Variants in OGA observed in about 807,000 individuals in gnomAD.
OGA encodes O-GlcNAcase.
Under a neutral mutation model 102.0 loss-of-function variants are expected in OGA, and 21 were observed. That is an observed-to-expected ratio of 0.21 (90% CI 0.15 to 0.30). The LOEUF is 0.30. OGA is among the 10% of genes least tolerant of loss of function. OGA has a pLI of 1.00. For missense variants in OGA, 765 were observed against 1,107.8 expected, an observed-to-expected ratio of 0.69 and a Z score of 4.39; for synonymous variants, 408 against 378.2, an observed-to-expected ratio of 1.08 and a Z score of -0.91.
rs980911798 is a variant in OGA, at chr10:101,813,321, T to C, written c.252-194A>G. Reference sequence around the variant, plus strand: ...ATGTATGCCAACATACAAAACACTCTTAAAAAACACAACAGCTCTGGGTAA... The same window carrying C: ...ATGTATGCCAACATACAAAACACTCCTAAAAAACACAACAGCTCTGGGTAA... On this transcript the variant is annotated intron_variant, in intron 2 of 15. Coordinates refer to ENST00000361464, the MANE Select transcript of OGA (RefSeq NM_012215.5). Among the ~76,000 whole-genome samples the C allele has an allele frequency of 2.0e-5, 3 of 152,120 alleles. No homozygotes were observed. In the East Asian group the frequency reaches 5.8e-4, roughly 29 times the overall value.
intron 7 of OGA, 122 bp from the exon 8 acceptor site, chr10:101,800,522 G>C (rs922256857): frequency 3.9e-5 from 28 of 714,830 alleles, no homozygotes; most frequent in Admixed American, 8.9e-5. Flanking sequence ...AACAGAATGA[G>C]AACAAACCTT....
intron 7 of OGA, among the ~76,000 whole-genome samples, chr10:101,801,315 C>A (rs1269516106): frequency 6.6e-6 from 1 of 151,520 alleles, no homozygotes; most frequent in Non-Finnish European, 1.5e-5. Flanking sequence ...CTGCTTGAAC[C>A]CAGGTGTCAA....
At chr10:101,801,460 T>A (rs780882407) in intron 7 of OGA, among the ~76,000 whole-genome samples, 1 of 151,636 alleles carries the variant, frequency 6.6e-6, no homozygotes, top group Non-Finnish European at 1.5e-5. Flanking sequence ...GCAACAAAGC[T>A]CTGAGCCAGG....
chr10:101,796,714 G>A (rs959973567), intron 10 of OGA, among the ~76,000 whole-genome samples: 7 of 152,018 alleles, frequency 4.6e-5, no homozygotes, highest in South Asian at 2.1e-4. Flanking sequence ...GGGATTACAG[G>A]CATGCGCCAC....
chr10:101,809,913 C>T (rs540632485), intron 4 of OGA, among the ~76,000 whole-genome samples: 91 of 150,948 alleles, frequency 6.0e-4, no homozygotes, highest in Non-Finnish European at 9.4e-4. Flanking sequence ...CATGATGGCA[C>T]GCACCTATAG....
intron 6 of OGA, among the ~76,000 whole-genome samples, chr10:101,805,059 CAG>C (rs751778399): frequency 1.1e-4 from 16 of 151,962 alleles, no homozygotes; most frequent in Admixed American, 7.2e-4. Flanking sequence ...TTTTTTGAGA[CAG>C]GGTCTCATTC....
intron 12 of OGA, among the ~76,000 whole-genome samples, chr10:101,792,251 G>A (rs964986266): frequency 2.6e-5 from 4 of 151,772 alleles, no homozygotes; most frequent in East Asian, 3.9e-4. Flanking sequence ...CTCGTGATCC[G>A]CCTGTCTCGG....
intron 7 of OGA, 44 bp downstream of exon 7, chr10:101,803,691 C>G: frequency 6.4e-7 from 1 of 1,553,896 alleles, no homozygotes; most frequent in Non-Finnish European, 8.8e-7. Context: ...CTAGTTAACC[C>G]CAGCTCTCCT....
intron 4 of OGA, 127 bp from the exon 5 acceptor site, chr10:101,808,028 T>C: frequency 1.2e-6 from 1 of 831,454 alleles, no homozygotes; most frequent in Non-Finnish European, 1.7e-6. Context: ...GATTTATTGT[T>C]TTTACATTTT....
intron 9 of OGA, among the ~76,000 whole-genome samples, 181 bp downstream of exon 9, chr10:101,798,661 G>A (rs971420073): frequency 6.6e-6 from 1 of 152,010 alleles, no homozygotes; most frequent in Non-Finnish European, 1.5e-5. Flanking sequence ...TGATCTGCCC[G>A]CCTCTGCCTC....
chr10:101,806,211 GTTTT>G, intron 5 of OGA, 68 bp from the exon 6 acceptor site: 2 of 1,013,776 alleles, frequency 2.0e-6, no homozygotes, highest in Non-Finnish European at 3.0e-6. Flanking sequence ...TTGTTTGTTT[GTTTT>G]CTTTGAGACG....
intron 10 of OGA, 78 bp from the exon 11 acceptor site, chr10:101,794,076 A>G: frequency 1.0e-6 from 1 of 976,008 alleles, no homozygotes; most frequent in Middle Eastern, 2.1e-4. Context: ...ACAAACTGAC[A>G]AACACTTCGT....
chr10:101,806,355 G>A (rs1252892373), intron 5 of OGA, among the ~76,000 whole-genome samples: 1 of 152,094 alleles, frequency 6.6e-6, no homozygotes, highest in Non-Finnish European at 1.5e-5. Context: ...GGCGCACGCC[G>A]CCACGCCCGG....
rs1017200477 is a variant in OGA at position 101,818,346 on chromosome 10, G to C, written c.-324C>G. ...GGTCCTGTCCTCGTTCTCTGCCTCT[G>C]CTGCCCTCCCGATAATCTTAGGTCT... On this transcript the variant is annotated 5_prime_UTR_variant, in exon 1 of 16. Coordinates refer to ENST00000361464, the MANE Select transcript of OGA (RefSeq NM_012215.5). 8.9e-7 allele frequency: 1 copy of C among 1,118,750 alleles called. No individual in the cohort carries two copies. The highest frequency in any genetic ancestry group is 1.6e-5 in the African/African-American group (1 of 61,116). The allele number at this position is 1,118,750 out of a possible 1,614,324, so 69.3% of individuals were successfully genotyped here. A position where few individuals can be genotyped will look rare whatever the true frequency, so the allele number is the denominator to read the frequency against.
At chr10:101,803,714 G>C (rs1385035279) in intron 7 of OGA, 21 bp downstream of exon 7, 1 of 1,599,164 alleles carries the variant, frequency 6.3e-7, no homozygotes, top group Non-Finnish European at 8.6e-7. Flanking sequence ...CAAGGTGAAA[G>C]ATCAAGTACA....
At chr10:101,817,377 G>C (rs961698671) in intron 1 of OGA, among the ~76,000 whole-genome samples, 1 of 152,178 alleles carries the variant, frequency 6.6e-6, no homozygotes, top group Non-Finnish European at 1.5e-5. Context: ...AAATACTATA[G>C]GCCAAACGTG....
intron 1 of OGA, among the ~76,000 whole-genome samples, chr10:101,816,292 A>C (rs576319243): frequency 6.6e-6 from 1 of 152,274 alleles, no homozygotes; most frequent in East Asian, 1.9e-4. Flanking sequence ...ACACACAAAA[A>C]ATCAGTGCTG....
At chr10:101,799,983 C>G (rs960744434) in intron 8 of OGA, among the ~76,000 whole-genome samples, 4 of 152,170 alleles carry the variant, frequency 2.6e-5, no homozygotes, top group Non-Finnish European at 5.9e-5. Flanking sequence ...GGCGACTGTC[C>G]TGCCTCAGCC....
intron 10 of OGA, 140 bp from the exon 11 acceptor site, chr10:101,794,138 A>G: frequency 1.8e-6 from 1 of 540,866 alleles, no homozygotes; most frequent in Admixed American, 3.1e-5. Flanking sequence ...CTATGATAAT[A>G]ATTATTATTT....
Sources: allele counts gnomAD v4.1 joint callset (sites outside exome capture counted in the v4.1 genomes callset), GRCh38; gene constraint gnomAD v4.1.1; transcripts MANE v1.5; gene names NCBI Gene and HGNC (gene_info 2026-07-23, HGNC 2026-07-21).